DOCK2: variants seen among roughly 807,000 people sequenced by gnomAD.
DOCK2 encodes the protein dedicator of cytokinesis 2.
DOCK2 carries 87 observed loss-of-function variants against 248.9 expected under a neutral mutation model. The ratio of observed to expected loss-of-function variants is 0.35; its 90% CI spans 0.29 to 0.42. The LOEUF is 0.42. DOCK2 is among the 10% of genes least tolerant of loss of function. The pLI is 1.00. For synonymous variants in DOCK2, 805 were observed against 821.6 expected, an observed-to-expected ratio of 0.98 and a Z score of 0.35; for missense variants, 1,747 against 2,300.2, an observed-to-expected ratio of 0.76 and a Z score of 4.92.
At chr5:169,872,288 G>A (rs759189755) in intron 27 of DOCK2, among the ~76,000 whole-genome samples, 10 of 152,136 alleles carry the variant, frequency 6.6e-5, no homozygotes, top group Admixed American at 2.6e-4. Flanking sequence ...TTTGGTTCTC[G>A]TCCATTTGGA....
intron 2 of DOCK2, among the ~76,000 whole-genome samples, chr5:169,660,328 T>C (rs1157717031): frequency 6.6e-6 from 1 of 152,046 alleles, no homozygotes; most frequent in Non-Finnish European, 1.5e-5. Flanking sequence ...AGTGAGATCT[T>C]CTCTCTAAAA....
At chr5:169,707,296 G>C (rs768370842) in intron 14 of DOCK2, among the ~76,000 whole-genome samples, 5 of 152,080 alleles carry the variant, frequency 3.3e-5, no homozygotes, top group African/African-American at 7.2e-5. Flanking sequence ...TGTCCCACTT[G>C]GACATGTGTG....
intron 29 of DOCK2, among the ~76,000 whole-genome samples, chr5:169,988,376 C>T (rs575267770): frequency 9.2e-5 from 14 of 152,182 alleles, no homozygotes; most frequent in South Asian, 6.2e-4. Context: ...CTATAATCCA[C>T]GCATTATATA....
At chr5:169,836,987 G>C (rs1252065094) in intron 26 of DOCK2, among the ~76,000 whole-genome samples, 1 of 152,156 alleles carries the variant, frequency 6.6e-6, no homozygotes, top group Non-Finnish European at 1.5e-5. Flanking sequence ...ATTCTGAAAA[G>C]TCCTAGGAGT....
chr5:170,004,152 C>T lies in DOCK2; in HGVS notation c.3073-4345C>T, dbSNP rs542820811. On this transcript the variant is annotated intron_variant, in intron 30 of 51. Coordinates refer to ENST00000520908, the MANE Select transcript of DOCK2 (RefSeq NM_004946.3). The stretch of plus-strand genomic sequence containing the variant: ...CGTCAATGCTATGACTCATAATAGT[C>T]AAAGACTGGAAACAACCCAAATGAC... 4.6e-5 allele frequency among the ~76,000 whole-genome samples: 7 copies of T among 152,312 alleles called. No individual in the cohort carries two copies. The East Asian group carries it at 1.3e-3, about 29-fold the overall frequency.
rs559363305 is a variant in DOCK2 at position 169,778,106 on chromosome 5, T to G, written c.2554+16481T>G. Among the ~76,000 whole-genome samples, 3 of 152,336 alleles carry G rather than the reference T, an allele frequency of 2.0e-5. No homozygotes were observed. In the East Asian group the frequency reaches 5.8e-4, roughly 29 times the overall value. On this transcript the variant is annotated intron_variant, in intron 25 of 51. Transcript: ENST00000520908. ...ACTCAGCACCTTCCACTGCCACAAG[T>G]GCTCCTGGATGGTGGGAACCTGGCT...
rs1035797449 is a variant in DOCK2, at chr5:170,041,147, T to C, written c.3756+2T>C. 1.2e-6 allele frequency: 2 copies of C among 1,613,176 alleles called. No homozygotes were observed. The highest frequency in any genetic ancestry group is 1.7e-6 in the Non-Finnish European group (2 of 1,179,200). On this transcript the variant is annotated splice_donor_variant, in intron 37 of 51. Coordinates refer to ENST00000520908, the MANE Select transcript of DOCK2 (RefSeq NM_004946.3). LOFTEE classifies it high-confidence loss of function. ...CTTCTCCACACCTGGCTTCTCAAGG[T>C]ACAGTCACTTTGGGTGAAGGGCATT...
At chr5:169,770,154 G>GTTCT (rs1765005708) in intron 25 of DOCK2, among the ~76,000 whole-genome samples, 1 of 152,094 alleles carries the variant, frequency 6.6e-6, no homozygotes, top group South Asian at 2.1e-4. Flanking sequence ...TTATTTAAAT[G>GTTCT]TTCTATTCAT....
At chr5:169,888,402 A>C (rs1033894439) in intron 27 of DOCK2, among the ~76,000 whole-genome samples, 4 of 152,226 alleles carry the variant, frequency 2.6e-5, no homozygotes, top group African/African-American at 9.6e-5. Flanking sequence ...TGATCTTTGC[A>C]ACACTTTATT....
At position 170,041,288 on chromosome 5, in the gene DOCK2, G is replaced by T. The variant is rs981523997; in HGVS notation, c.3756+143G>T. On this transcript the variant is annotated intron_variant, in intron 37 of 51. Coordinates refer to ENST00000520908, the MANE Select transcript of DOCK2 (RefSeq NM_004946.3). ...TGTCTCCAAACTCTTGAGCTGGCAG[G>T]ATACTTTTTGCACTGCTTCCCTGGT... 9 of 747,176 alleles carry T rather than the reference G, an allele frequency of 1.2e-5. No individual in the cohort carries two copies. In the East Asian group the frequency reaches 2.4e-4, roughly 20 times the overall value. 46.3% of individuals were successfully genotyped at this position (747,176 alleles called of 1,614,324 possible). A position where few individuals can be genotyped will look rare whatever the true frequency, so the allele number is the denominator to read the frequency against.
At chr5:170,058,388 C>T (rs562245409) in intron 44 of DOCK2, among the ~76,000 whole-genome samples, 20 of 152,162 alleles carry the variant, frequency 1.3e-4, no homozygotes, top group South Asian at 4.1e-4. Context: ...GTGGGAAAGA[C>T]GGACTAAAAA....
At chr5:170,070,163 C>T (rs762863572) in intron 46 of DOCK2, among the ~76,000 whole-genome samples, 3 of 152,228 alleles carry the variant, frequency 2.0e-5, no homozygotes, top group Non-Finnish European at 4.4e-5. Flanking sequence ...GGGTGGGCTC[C>T]GGAGGGCAGG....
At chr5:170,002,586 T>C (rs1404173619) in intron 30 of DOCK2, among the ~76,000 whole-genome samples, 4 of 152,252 alleles carry the variant, frequency 2.6e-5, no homozygotes, top group Admixed American at 1.3e-4. Context: ...TTTTTAACTA[T>C]GTGTGTATAT....
intron 27 of DOCK2, among the ~76,000 whole-genome samples, chr5:169,898,675 A>G (rs1773753858): frequency 6.6e-6 from 1 of 152,222 alleles, no homozygotes; most frequent in Non-Finnish European, 1.5e-5. Flanking sequence ...CAAGGGTTAG[A>G]CAGTAAATAT....
At chr5:169,662,839 A>G (rs534266475) in intron 2 of DOCK2, among the ~76,000 whole-genome samples, 4 of 152,318 alleles carry the variant, frequency 2.6e-5, no homozygotes, top group African/African-American at 9.6e-5. Flanking sequence ...ACAGAGCCAA[A>G]TCACATCATT....
At chr5:169,897,655 G>T (rs1233648441) in intron 27 of DOCK2, among the ~76,000 whole-genome samples, 1 of 152,194 alleles carries the variant, frequency 6.6e-6, no homozygotes, top group African/African-American at 2.4e-5. Flanking sequence ...CTGAGTTTCA[G>T]CTAAAGACAG....
At chr5:169,673,239 G>T (rs1221585847) in intron 5 of DOCK2, among the ~76,000 whole-genome samples, 1 of 151,540 alleles carries the variant, frequency 6.6e-6, no homozygotes, top group African/African-American at 2.4e-5. Flanking sequence ...GCTATCTAGG[G>T]GCCCACCTAG....
At chr5:169,641,272 G>A (rs926742565) in intron 1 of DOCK2, among the ~76,000 whole-genome samples, 4 of 152,136 alleles carry the variant, frequency 2.6e-5, no homozygotes, top group Non-Finnish European at 5.9e-5. Flanking sequence ...TTTTTTTGGA[G>A]GGGGAGGGCA....
intron 27 of DOCK2, among the ~76,000 whole-genome samples, chr5:169,848,802 T>C (rs1770465948): frequency 6.6e-6 from 1 of 152,130 alleles, no homozygotes; most frequent in Non-Finnish European, 1.5e-5. Context: ...AGCAGTTTGT[T>C]CAAAAAGAAA....
Sources: gnomAD v4.1 joint callset for allele counts (sites outside exome capture counted in the v4.1 genomes callset) on GRCh38, gnomAD v4.1.1 for gene constraint, MANE v1.5 for transcripts, NCBI Gene and HGNC (gene_info 2026-07-23, HGNC 2026-07-21) for gene names.